SHB: variants seen among roughly 807,000 people sequenced by gnomAD.
The protein encoded by SHB is SH2 domain-containing adapter protein B.
In SHB, 20 loss-of-function variants were observed where a neutral mutation model predicts 52.3. The ratio of observed to expected loss-of-function variants is 0.38; its 90% CI spans 0.27 to 0.56. The LOEUF is 0.56. Among genes scored for constraint, SHB ranks in the 20% least tolerant of loss-of-function variants. SHB has a pLI of 0.71. For synonymous variants in SHB, 397 were observed against 316.5 expected, an observed-to-expected ratio of 1.25 and a Z score of -2.70; for missense variants, 825 against 723.3, an observed-to-expected ratio of 1.14 and a Z score of -1.61.
rs370755593 is a variant in SHB at position 37,954,188 on chromosome 9, G to A, written c.1226+1695C>T. ...GCTGTGAGAAATGATTCACAGCACC[G>A]GCTGGGAGCACTCACAAAGGTGGCA... is the stretch of plus-strand genomic sequence containing the variant. On this transcript the variant is annotated intron_variant, in intron 4 of 5. Coordinates refer to ENST00000377707, the MANE Select transcript of SHB (RefSeq NM_003028.3). Among the ~76,000 whole-genome samples the A allele has an allele frequency of 8.5e-5, 13 of 152,320 alleles. No homozygotes were observed. The South Asian group carries it at 1.2e-3, about 15-fold the overall frequency.
chr9:38,035,528 T>C (rs1325379509), intron 1 of SHB, among the ~76,000 whole-genome samples: 3 of 152,098 alleles, frequency 2.0e-5, no homozygotes, highest in Non-Finnish European at 2.9e-5. Flanking sequence ...TGAGAGAGGT[T>C]CTCCACCTCT....
chr9:37,941,196 T>G (rs1254222344), intron 5 of SHB, among the ~76,000 whole-genome samples: 1 of 152,090 alleles, frequency 6.6e-6, no homozygotes, highest in African/African-American at 2.4e-5. Context: ...CCCAGACAAT[T>G]TGCAATGCAC....
chr9:37,924,987 G>A (rs1205705541), intron 5 of SHB, among the ~76,000 whole-genome samples: 2 of 152,220 alleles, frequency 1.3e-5, no homozygotes, highest in East Asian at 3.8e-4. Flanking sequence ...CCTGCAGCTT[G>A]GTGAGAACTG....
chr9:38,006,272 T>C (rs923691275), intron 2 of SHB, among the ~76,000 whole-genome samples: 1 of 152,204 alleles, frequency 6.6e-6, no homozygotes, highest in Non-Finnish European at 1.5e-5. Flanking sequence ...CCTGTCTCCC[T>C]GCCTCTTGCT....
At chr9:37,932,069 G>A (rs186779318) in intron 5 of SHB, among the ~76,000 whole-genome samples, 1 of 152,062 alleles carries the variant, frequency 6.6e-6, no homozygotes, top group East Asian at 1.9e-4. Flanking sequence ...ATCACCTGAG[G>A]TCAGGAGTTC....
chr9:38,024,154 C>T (rs187692717), intron 1 of SHB, among the ~76,000 whole-genome samples: 7 of 152,358 alleles, frequency 4.6e-5, no homozygotes, highest in Admixed American at 3.9e-4. Context: ...AAGGCCCCTG[C>T]CAAGTACTCC....
At chr9:37,983,896 G>A (rs1820771682) in intron 2 of SHB, among the ~76,000 whole-genome samples, 1 of 152,174 alleles carries the variant, frequency 6.6e-6, no homozygotes, top group Non-Finnish European at 1.5e-5. Flanking sequence ...CTGGAGGGAG[G>A]CAAAGCCCTG....
At chr9:37,989,387 G>A (rs1340697505) in intron 2 of SHB, among the ~76,000 whole-genome samples, 2 of 152,076 alleles carry the variant, frequency 1.3e-5, no homozygotes, top group African/African-American at 4.8e-5. Context: ...CTTCCTTCAG[G>A]AGACTTGACA....
At chr9:38,008,355 G>C (rs1587241429) in intron 2 of SHB, among the ~76,000 whole-genome samples, 2 of 152,200 alleles carry the variant, frequency 1.3e-5, no homozygotes, top group East Asian at 1.9e-4. Flanking sequence ...CACTGGGCTG[G>C]GTGTGTGAGC....
At chr9:37,939,754 A>G (rs555695672) in intron 5 of SHB, among the ~76,000 whole-genome samples, 1 of 152,278 alleles carries the variant, frequency 6.6e-6, no homozygotes, top group East Asian at 1.9e-4. Context: ...CTGTGTTGCA[A>G]TCTCATCTCT....
intron 1 of SHB, among the ~76,000 whole-genome samples, chr9:38,049,287 G>A (rs1219492026): frequency 2.0e-5 from 3 of 152,192 alleles, no homozygotes; most frequent in Non-Finnish European, 4.4e-5. Context: ...GGGATTACAG[G>A]TGTGAGAGCC....
intron 5 of SHB, among the ~76,000 whole-genome samples, chr9:37,942,210 C>G (rs1030177636): frequency 6.6e-6 from 1 of 152,184 alleles, no homozygotes; most frequent in South Asian, 2.1e-4. Flanking sequence ...AGACTGAGTA[C>G]CCAGCAGTCA....
intron 1 of SHB, among the ~76,000 whole-genome samples, chr9:38,046,998 AG>A (rs2118155484): frequency 6.6e-6 from 1 of 152,306 alleles, no homozygotes; most frequent in South Asian, 2.1e-4. Context: ...CAGGGAGGGG[AG>A]GGGCCTTGCC....
intron 4 of SHB, among the ~76,000 whole-genome samples, chr9:37,952,814 C>T (rs1295030011): frequency 6.6e-6 from 1 of 151,840 alleles, no homozygotes; most frequent in Admixed American, 6.6e-5. Context: ...GGGGGAGGGG[C>T]AAGTTTCGAG....
intron 1 of SHB, among the ~76,000 whole-genome samples, chr9:38,056,118 G>A (rs140045006): frequency 6.6e-6 from 1 of 152,264 alleles, no homozygotes; most frequent in African/African-American, 2.4e-5. Context: ...CCTAAACACT[G>A]TCAGGGCAAG....
At chr9:37,957,728 C>T (rs1324250965) in intron 3 of SHB, among the ~76,000 whole-genome samples, 2 of 152,200 alleles carry the variant, frequency 1.3e-5, no homozygotes, top group Non-Finnish European at 2.9e-5. Context: ...GCAGGGTCCT[C>T]GTGAGGAGAG....
chr9:37,950,003 A>G (rs1322471536), intron 4 of SHB, among the ~76,000 whole-genome samples: 11 of 152,056 alleles, frequency 7.2e-5, no homozygotes, highest in Admixed American at 7.2e-4. Flanking sequence ...GTGGCGCGAT[A>G]ATAGCTCACT....
In SHB at chr9:37,918,392, T is replaced by C. The variant is rs1355885159; in HGVS notation, c.*1429A>G. Among the ~76,000 whole-genome samples, 1 of 118,796 alleles carries C rather than the reference T, an allele frequency of 8.4e-6. No homozygotes were observed. The highest frequency in any genetic ancestry group is 1.9e-5 in the Non-Finnish European group (1 of 52,358). 77.9% of individuals were successfully genotyped at this position (118,796 alleles called of 152,430 possible). ...GCGTGTGCGTGTGTAGGTGTTCTTG[T>C]GTGTGGAAGCAGTGTGGACCACTGA... On this transcript the variant is annotated 3_prime_UTR_variant, in exon 6 of 6. Coordinates refer to ENST00000377707, the MANE Select transcript of SHB (RefSeq NM_003028.3).
intron 2 of SHB, among the ~76,000 whole-genome samples, chr9:38,000,841 G>A (rs565761910): frequency 6.6e-6 from 1 of 152,304 alleles, no homozygotes; most frequent in South Asian, 2.1e-4. Context: ...GCCAAAGCCT[G>A]GCTTTTAGTC....
Sources: gnomAD v4.1 joint callset for allele counts (sites outside exome capture counted in the v4.1 genomes callset) on GRCh38, gnomAD v4.1.1 for gene constraint, MANE v1.5 for transcripts, NCBI Gene and HGNC (gene_info 2026-07-23, HGNC 2026-07-21) for gene names.